Variants in LHFPL3 observed in about 807,000 individuals in gnomAD.
LHFPL3 encodes the protein LHFPL tetraspan subfamily member 3 protein.
In LHFPL3, 5 loss-of-function variants were observed where a neutral mutation model predicts 19.3. That is an observed-to-expected ratio of 0.26 (90% CI 0.14 to 0.54). LHFPL3 has a LOEUF of 0.54. LHFPL3 is among the 20% of genes least tolerant of loss of function. The pLI is 0.94. For missense variants in LHFPL3, 249 were observed against 307.4 expected, an observed-to-expected ratio of 0.81 and a Z score of 1.42; for synonymous variants, 133 against 126.2, an observed-to-expected ratio of 1.05 and a Z score of -0.36.
At chr7:104,485,893 T>A (rs895036050) in intron 1 of LHFPL3, among the ~76,000 whole-genome samples, 1 of 152,232 alleles carries the variant, frequency 6.6e-6, no homozygotes, top group Admixed American at 6.5e-5. Context: ...TCTGTCCTTG[T>A]GTCTATCACT....
chr7:104,673,691 C>T (rs767157527), intron 1 of LHFPL3, among the ~76,000 whole-genome samples: 7 of 152,160 alleles, frequency 4.6e-5, no homozygotes, highest in Non-Finnish European at 1.0e-4. Flanking sequence ...GCAAATTTGC[C>T]TGCTAGAGAC....
rs143460292 is a variant in LHFPL3 at position 104,841,723 on chromosome 7, G to A, written c.683-64464G>A. Among the ~76,000 whole-genome samples, 492 of 152,056 alleles carry A rather than the reference G, an allele frequency of 3.2e-3. 7 individuals carry two copies. The highest frequency in any genetic ancestry group is 0.012 in the African/African-American group (480 of 41,478). ...TTTTTACTAGCTATGATATAAAACT[G>A]GACGGATCTTTAAAATAACTTTTGC... On this transcript the variant is annotated intron_variant, in intron 2 of 2. Coordinates refer to ENST00000424859, the MANE Select transcript of LHFPL3 (RefSeq NM_199000.3).
intron 1 of LHFPL3, among the ~76,000 whole-genome samples, chr7:104,416,175 G>A (rs1791618446): frequency 6.6e-6 from 1 of 152,170 alleles, no homozygotes; most frequent in Admixed American, 6.5e-5. Flanking sequence ...AGATGGCCAA[G>A]TGACAACAGG....
intron 1 of LHFPL3, among the ~76,000 whole-genome samples, chr7:104,725,826 C>T (rs1584498868): frequency 6.6e-6 from 1 of 151,934 alleles, no homozygotes; most frequent in Admixed American, 6.6e-5. Flanking sequence ...CCAAAAATGG[C>T]GGATCACGAG....
At chr7:104,506,359 C>T (rs1235995652) in intron 1 of LHFPL3, among the ~76,000 whole-genome samples, 1 of 151,200 alleles carries the variant, frequency 6.6e-6, no homozygotes, top group Non-Finnish European at 1.5e-5. Context: ...AGCTTAGATA[C>T]ACCTTCTCTG....
At chr7:104,503,621 G>A (rs1339257627) in intron 1 of LHFPL3, among the ~76,000 whole-genome samples, 2 of 151,990 alleles carry the variant, frequency 1.3e-5, no homozygotes, top group Admixed American at 6.6e-5. Flanking sequence ...CCAGGCTGGA[G>A]TGCAGTGGCA....
chr7:104,425,298 A>G (rs1384438429), intron 1 of LHFPL3, among the ~76,000 whole-genome samples: 1 of 152,174 alleles, frequency 6.6e-6, no homozygotes, highest in Non-Finnish European at 1.5e-5. Context: ...TATGTTGCAT[A>G]CACACAGATG....
chr7:104,640,157 C>T (rs1025299087), intron 1 of LHFPL3, among the ~76,000 whole-genome samples: 20 of 152,224 alleles, frequency 1.3e-4, no homozygotes, highest in Admixed American at 2.0e-4. Flanking sequence ...GCAGAATATG[C>T]AGGTTTGTTA....
intron 1 of LHFPL3, among the ~76,000 whole-genome samples, chr7:104,614,774 A>T (rs537291868): frequency 7.0e-6 from 1 of 143,508 alleles, no homozygotes; most frequent in South Asian, 2.2e-4. Context: ...TTTTTGAGAT[A>T]GGGTCTCACT....
intron 1 of LHFPL3, chr7:104,668,476 G>T (rs576384660): frequency 1.4e-5 from 22 of 1,612,714 alleles, no homozygotes; most frequent in Non-Finnish European, 1.8e-5. Flanking sequence ...GGCCCACGCC[G>T]GGATATGGAT....
intron 1 of LHFPL3, among the ~76,000 whole-genome samples, chr7:104,406,285 C>T (rs1216033608): frequency 1.3e-5 from 2 of 152,118 alleles, no homozygotes; most frequent in Admixed American, 6.5e-5. Context: ...GAACCAGCAA[C>T]ACATCTTTGT....
intron 1 of LHFPL3, among the ~76,000 whole-genome samples, chr7:104,480,641 A>T (rs1050360289): frequency 6.6e-6 from 1 of 152,178 alleles, no homozygotes; most frequent in African/African-American, 2.4e-5. Context: ...TCACTTCATT[A>T]GAAAGTTAAG....
chr7:104,540,648 T>C lies in LHFPL3; in HGVS notation c.446-196027T>C, dbSNP rs577207145. On this transcript the variant is annotated intron_variant, in intron 1 of 2. Transcript: ENST00000424859. ...AAAGAAATGAGCATTTATTGACAAC[T>C]TTCTATATGTCAGGCATTCTCACAT... 1.1e-4 allele frequency among the ~76,000 whole-genome samples: 16 copies of C among 152,356 alleles called. No individual in the cohort carries two copies. The East Asian group carries it at 3.1e-3, about 29-fold the overall frequency.
At chr7:104,566,793 C>G (rs1293195977) in intron 1 of LHFPL3, among the ~76,000 whole-genome samples, 1 of 152,190 alleles carries the variant, frequency 6.6e-6, no homozygotes, top group Admixed American at 6.5e-5. Flanking sequence ...TTGTGCCATT[C>G]ATTTCTCTGT....
intron 2 of LHFPL3, among the ~76,000 whole-genome samples, chr7:104,815,824 A>T (rs1488135798): frequency 6.6e-6 from 1 of 152,122 alleles, no homozygotes; most frequent in African/African-American, 2.4e-5. Context: ...GAGACACAGG[A>T]AAGTTGTGAA....
At chr7:104,379,574 G>A (rs1445122826) in intron 1 of LHFPL3, among the ~76,000 whole-genome samples, 1 of 152,144 alleles carries the variant, frequency 6.6e-6, no homozygotes, top group African/African-American at 2.4e-5. Flanking sequence ...TTCCAAGCTG[G>A]CAATAAGGAG....
intron 1 of LHFPL3, among the ~76,000 whole-genome samples, chr7:104,605,753 A>G (rs942375199): frequency 6.6e-6 from 1 of 152,184 alleles, no homozygotes; most frequent in East Asian, 1.9e-4. Context: ...TTCGTGTTGT[A>G]TAAAGTAAAG....
intron 1 of LHFPL3, among the ~76,000 whole-genome samples, chr7:104,678,996 T>C (rs1007320611): frequency 6.6e-5 from 10 of 152,246 alleles, no homozygotes; most frequent in Non-Finnish European, 1.5e-4. Context: ...TGCATTTTAT[T>C]AGTTATTTAT....
chr7:104,697,406 T>G (rs1311537079), intron 1 of LHFPL3, among the ~76,000 whole-genome samples: 2 of 152,332 alleles, frequency 1.3e-5, no homozygotes, highest in African/African-American at 4.8e-5. Context: ...TATCACATAA[T>G]GTATATGTCA....
Sources: gnomAD v4.1 joint callset for allele counts (sites outside exome capture counted in the v4.1 genomes callset) on GRCh38, gnomAD v4.1.1 for gene constraint, MANE v1.5 for transcripts, NCBI Gene and HGNC (gene_info 2026-07-23, HGNC 2026-07-21) for gene names.